The following DTNA variants were observed in gnomAD, a reference collection of about 807,000 sequenced individuals.
DTNA encodes the protein dystrophin-related protein 3.
DTNA carries 43 observed loss-of-function variants against 100.7 expected under a neutral mutation model. The observed-to-expected ratio is 0.43, with a 90% CI of 0.33 to 0.55. The LOEUF (loss-of-function observed/expected upper bound fraction) is 0.55. Among genes scored for constraint, DTNA ranks in the 20% least tolerant of loss-of-function variants. The pLI, the probability that DTNA is intolerant of heterozygous loss-of-function variation, is 0.04. For synonymous variants in DTNA, 349 were observed against 347.9 expected (o/e 1.00, Z -0.04); for missense variants, 798 against 953.9 (o/e 0.84, Z 2.15).
intron 1 of DTNA, among the ~76,000 whole-genome samples, chr18:34,503,412 C>T (rs935191850): frequency 1.3e-5 from 2 of 150,960 alleles, no homozygotes; most frequent in Non-Finnish European, 3.0e-5. Context: ...CTCAGCCTCC[C>T]GAGTAGCTGG....
At chr18:34,864,147 C>G in intron 17 of DTNA, 85 bp downstream of exon 17, 1 of 1,218,508 alleles carries the variant, frequency 8.2e-7, no homozygotes, top group Non-Finnish European at 1.2e-6. Context: ...ATGGTTTTTC[C>G]AATTGCTGTA....
intron 1 of DTNA, among the ~76,000 whole-genome samples, chr18:34,749,583 G>A (rs376168754): frequency 2.6e-5 from 4 of 151,132 alleles, no homozygotes; most frequent in East Asian, 1.9e-4. Flanking sequence ...ACCAAATCCC[G>A]GATAACCCAT....
chr18:34,683,869 T>G (rs940978183), intron 1 of DTNA, among the ~76,000 whole-genome samples: 1 of 152,088 alleles, frequency 6.6e-6, no homozygotes, highest in Non-Finnish European at 1.5e-5. Flanking sequence ...GGAAGAAAAA[T>G]GCACCCATTA....
intron 16 of DTNA, among the ~76,000 whole-genome samples, chr18:34,861,474 A>AGACTCC (rs2096625399): frequency 8.2e-6 from 1 of 122,412 alleles, no homozygotes; most frequent in South Asian, 2.9e-4. Context: ...CGACTGAGCG[A>AGACTCC]GACTCCGTCT....
At chr18:34,777,115 C>T (rs948599132) in intron 3 of DTNA, among the ~76,000 whole-genome samples, 2 of 152,220 alleles carry the variant, frequency 1.3e-5, no homozygotes, top group African/African-American at 4.8e-5. Flanking sequence ...GTATTTATTA[C>T]ATTCTAATAT....
chr18:34,508,889 A>G (rs931225533), intron 1 of DTNA, among the ~76,000 whole-genome samples: 2 of 152,036 alleles, frequency 1.3e-5, no homozygotes, highest in Non-Finnish European at 2.9e-5. Flanking sequence ...TTTTTTGAAA[A>G]TGTCTTTTTC....
At chr18:34,620,654 C>T (rs2056310434) in intron 1 of DTNA, among the ~76,000 whole-genome samples, 1 of 152,150 alleles carries the variant, frequency 6.6e-6, no homozygotes. Context: ...GAAGCAGGCA[C>T]ATCTCACATG....
chr18:34,528,621 A>G (rs892687304), intron 1 of DTNA, among the ~76,000 whole-genome samples: 1 of 152,104 alleles, frequency 6.6e-6, no homozygotes, highest in Non-Finnish European at 1.5e-5. Context: ...GAACTAATGC[A>G]TTAGTGTCAT....
intron 3 of DTNA, among the ~76,000 whole-genome samples, chr18:34,768,732 T>A (rs2093617037): frequency 6.6e-6 from 1 of 152,206 alleles, no homozygotes; most frequent in East Asian, 1.9e-4. Context: ...CTTAATTCAG[T>A]TAAGTGTATA....
chr18:34,514,581 G>T (rs1020343759), intron 1 of DTNA, among the ~76,000 whole-genome samples: 1 of 152,104 alleles, frequency 6.6e-6, no homozygotes, highest in Non-Finnish European at 1.5e-5. Flanking sequence ...GTGTGTCTTA[G>T]TCTGTTCAGA....
At chr18:34,751,603 T>C (rs1429732803) in intron 1 of DTNA, among the ~76,000 whole-genome samples, 1 of 152,202 alleles carries the variant, frequency 6.6e-6, no homozygotes, top group Non-Finnish European at 1.5e-5. Context: ...ATTTTAAAGC[T>C]CCCTGCTTTT....
intron 3 of DTNA, among the ~76,000 whole-genome samples, chr18:34,782,930 A>C (rs1189770142): frequency 1.3e-5 from 2 of 152,218 alleles, no homozygotes; most frequent in African/African-American, 4.8e-5. Context: ...GGCTTTTACA[A>C]GCCTAGATTA....
intron 1 of DTNA, among the ~76,000 whole-genome samples, chr18:34,693,980 A>T (rs1467257979): frequency 1.3e-5 from 2 of 152,190 alleles, no homozygotes; most frequent in Admixed American, 6.5e-5. Flanking sequence ...ATACAGGTAT[A>T]TGTCTTTGGT....
intron 1 of DTNA, among the ~76,000 whole-genome samples, chr18:34,747,016 CA>C (rs973320402): frequency 2.0e-5 from 3 of 151,942 alleles, no homozygotes; most frequent in Non-Finnish European, 4.4e-5. Context: ...TTAGAGAATA[CA>C]AATGGTCCTG....
intron 9 of DTNA, chr18:34,825,316 A>G (rs753381827): frequency 2.5e-6 from 4 of 1,612,632 alleles, no homozygotes; most frequent in Non-Finnish European, 2.5e-6. Flanking sequence ...ACAAAGATGT[A>G]TAATCATGAT....
chr18:34,509,647 G>A (rs1251696154), intron 1 of DTNA, among the ~76,000 whole-genome samples: 1 of 152,108 alleles, frequency 6.6e-6, no homozygotes, highest in Non-Finnish European at 1.5e-5. Flanking sequence ...TTCAAAACAG[G>A]AAAACATTTC....
intron 1 of DTNA, among the ~76,000 whole-genome samples, chr18:34,510,182 T>C (rs1568561074): frequency 2.6e-5 from 4 of 151,778 alleles, no homozygotes; most frequent in African/African-American, 9.7e-5. Context: ...TTTCACTTCT[T>C]TCTTAGCTTT....
intron 1 of DTNA, among the ~76,000 whole-genome samples, chr18:34,531,062 G>A (rs917590768): frequency 6.6e-6 from 1 of 152,140 alleles, no homozygotes; most frequent in African/African-American, 2.4e-5. Flanking sequence ...CTGATGTGAG[G>A]TAGAGGTGAT....
At chr18:34,585,106 C>T (rs1292788358) in intron 1 of DTNA, among the ~76,000 whole-genome samples, 1 of 152,096 alleles carries the variant, frequency 6.6e-6, no homozygotes, top group African/African-American at 2.4e-5. Flanking sequence ...GAAGCTACTG[C>T]ATGCTCGCCC....
Sources: gnomAD v4.1 joint callset for allele counts (sites outside exome capture counted in the v4.1 genomes callset) on GRCh38, gnomAD v4.1.1 for gene constraint, MANE v1.5 for transcripts, NCBI Gene and HGNC (gene_info 2026-07-23, HGNC 2026-07-21) for gene names.